Variants in SETBP1 observed in about 807,000 individuals in gnomAD.
SETBP1 encodes the protein SET binding protein 1.
SETBP1 carries 9 observed loss-of-function variants against 101.0 expected under a neutral mutation model. That is an observed-to-expected ratio of 0.09 (90% CI 0.05 to 0.16). The LOEUF (loss-of-function observed/expected upper bound fraction) is 0.16. SETBP1 is among the 10% of genes least tolerant of loss of function. SETBP1 has a pLI of 1.00. For synonymous variants in SETBP1, 818 were observed against 788.5 expected, an observed-to-expected ratio of 1.04 and a Z score of -0.63; for missense variants, 1,858 against 2,033.8, an observed-to-expected ratio of 0.91 and a Z score of 1.66.
At chr18:44,827,372 C>G (rs1000304560) in intron 2 of SETBP1, among the ~76,000 whole-genome samples, 7 of 152,262 alleles carry the variant, frequency 4.6e-5, no homozygotes, top group Middle Eastern at 3.4e-3. Context: ...TTGTGTTATT[C>G]AGTTCATTCT....
intron 3 of SETBP1, among the ~76,000 whole-genome samples, chr18:44,893,440 A>G (rs1457184104): frequency 6.6e-6 from 1 of 152,144 alleles, no homozygotes; most frequent in Non-Finnish European, 1.5e-5. Context: ...TAACTGAGAG[A>G]GGTGAGATGC....
At position 45,063,072 on chromosome 18, in the gene SETBP1, C is replaced by T. The variant is rs1247786645; in HGVS notation, c.4172-7C>T. 2.5e-6 allele frequency: 4 copies of T among 1,613,910 alleles called. No homozygotes were observed. The highest frequency in any genetic ancestry group is 3.3e-5 in the Admixed American group (2 of 60,018). On this transcript the variant is annotated splice_region_variant and splice_polypyrimidine_tract_variant and intron_variant, in intron 5 of 5. Coordinates refer to ENST00000649279, the MANE Select transcript of SETBP1 (RefSeq NM_015559.3). Reference sequence around the variant, plus strand: ...TGCTCAATTTCTTATCTCTTCCCCTCCCGCAGTCGGCTCCTCCCTGAAGAA... The same window carrying T: ...TGCTCAATTTCTTATCTCTTCCCCTTCCGCAGTCGGCTCCTCCCTGAAGAA...
At chr18:45,006,759 G>A (rs116310764) in intron 4 of SETBP1, among the ~76,000 whole-genome samples, 2,380 of 152,244 alleles carry the variant, frequency 0.016, 51 homozygotes, top group African/African-American at 0.054. Flanking sequence ...GTCACTTTCC[G>A]AGGTAATAGG....
At chr18:45,022,747 T>A (rs1320502033) in intron 4 of SETBP1, among the ~76,000 whole-genome samples, 2 of 152,128 alleles carry the variant, frequency 1.3e-5, no homozygotes, top group Non-Finnish European at 2.9e-5. Flanking sequence ...GGAGCATCAC[T>A]GGAAGCCAGG....
At chr18:44,841,176 C>T (rs1320635887) in intron 2 of SETBP1, among the ~76,000 whole-genome samples, 1 of 152,304 alleles carries the variant, frequency 6.6e-6, no homozygotes, top group East Asian at 1.9e-4. Context: ...AAGATGTTGG[C>T]CATGGCTGTA....
At chr18:44,747,378 G>A (rs1286767817) in intron 2 of SETBP1, among the ~76,000 whole-genome samples, 1 of 152,174 alleles carries the variant, frequency 6.6e-6, no homozygotes, top group Non-Finnish European at 1.5e-5. Context: ...CCCAGGAAAA[G>A]GGAACTGAAA....
intron 4 of SETBP1, among the ~76,000 whole-genome samples, chr18:44,962,391 C>T (rs1302017576): frequency 6.6e-6 from 1 of 152,098 alleles, no homozygotes; most frequent in Non-Finnish European, 1.5e-5. Context: ...GGGGATTGAA[C>T]TGCCTCCCAG....
At chr18:44,874,838 C>T (rs2069360207) in intron 3 of SETBP1, among the ~76,000 whole-genome samples, 1 of 152,150 alleles carries the variant, frequency 6.6e-6, no homozygotes, top group Non-Finnish European at 1.5e-5. Context: ...AGTTTTAATG[C>T]CAAACCCCAA....
At position 45,068,373 on chromosome 18, in the gene SETBP1, T is replaced by A. The variant is rs1484059980; in HGVS notation, c.*4675T>A. 1 of 152,180 alleles carries A rather than the reference T, an allele frequency of 6.6e-6. No homozygotes were observed. Among genetic ancestry groups the A allele is most frequent in the Non-Finnish European group, 1.5e-5 (1 of 68,030 alleles). 9.4% of individuals were successfully genotyped at this position (152,180 alleles called of 1,614,324 possible). A position where few individuals can be genotyped will look rare whatever the true frequency, so the allele number is the denominator to read the frequency against. ...TAGATGTTGGGTTTTAAACATTTTTTTCTAAAAGAAAGCTCAGTCTTTTCC... is the reference window on the plus strand; with the variant it reads ...TAGATGTTGGGTTTTAAACATTTTTATCTAAAAGAAAGCTCAGTCTTTTCC... On this transcript the variant is annotated 3_prime_UTR_variant, in exon 6 of 6. Coordinates refer to ENST00000649279, the MANE Select transcript of SETBP1 (RefSeq NM_015559.3).
At chr18:44,905,935 A>G (rs1025205936) in intron 3 of SETBP1, among the ~76,000 whole-genome samples, 2 of 152,142 alleles carry the variant, frequency 1.3e-5, no homozygotes, top group Non-Finnish European at 2.9e-5. Context: ...TTGGCTCAGG[A>G]TTTTACCTCC....
chr18:44,898,053 G>T (rs1056023560), intron 3 of SETBP1, among the ~76,000 whole-genome samples: 2 of 152,164 alleles, frequency 1.3e-5, no homozygotes, highest in African/African-American at 4.8e-5. Flanking sequence ...CTGAGGAATG[G>T]AAACCCTGAC....
chr18:44,683,854 T>G (rs567559078), intron 1 of SETBP1, among the ~76,000 whole-genome samples: 1 of 152,376 alleles, frequency 6.6e-6, no homozygotes, highest in Admixed American at 6.5e-5. Flanking sequence ...TTTTTGCTGA[T>G]GGCATTTCAA....
intron 5 of SETBP1, among the ~76,000 whole-genome samples, chr18:45,050,815 C>A (rs151273103): frequency 1.2e-3 from 186 of 152,316 alleles, no homozygotes; most frequent in African/African-American, 4.4e-3. Flanking sequence ...AGCCTCTAAG[C>A]AGGCTTCCTG....
At chr18:44,703,410 AT>A (rs1461493875) in intron 2 of SETBP1, among the ~76,000 whole-genome samples, 1 of 75,228 alleles carries the variant, frequency 1.3e-5, no homozygotes, top group African/African-American at 5.2e-5. Flanking sequence ...TGGGGCAGTT[AT>A]TTTCAATAAA....
intron 2 of SETBP1, among the ~76,000 whole-genome samples, chr18:44,704,354 C>G (rs1390845580): frequency 6.6e-6 from 1 of 152,142 alleles, no homozygotes; most frequent in African/African-American, 2.4e-5. Flanking sequence ...ATTTTTATGC[C>G]TCAGCAACTG....
chr18:44,991,717 G>A (rs764944814), intron 4 of SETBP1, among the ~76,000 whole-genome samples: 50 of 152,138 alleles, frequency 3.3e-4, no homozygotes, highest in Admixed American at 7.9e-4. Context: ...ATCTTTCTCA[G>A]TAATGGATCA....
chr18:44,746,358 A>G (rs933548348), intron 2 of SETBP1, among the ~76,000 whole-genome samples: 6 of 152,232 alleles, frequency 3.9e-5, no homozygotes, highest in Non-Finnish European at 8.8e-5. Flanking sequence ...TAAGCACTCA[A>G]TAAGTGATGG....
intron 4 of SETBP1, among the ~76,000 whole-genome samples, chr18:45,027,757 C>T (rs1348656635): frequency 6.6e-6 from 1 of 152,132 alleles, no homozygotes; most frequent in Non-Finnish European, 1.5e-5. Context: ...AACAAATTTC[C>T]ACAAACTTAG....
At chr18:44,937,798 C>T (rs866989390) in intron 3 of SETBP1, among the ~76,000 whole-genome samples, 1 of 152,300 alleles carries the variant, frequency 6.6e-6, no homozygotes, top group Middle Eastern at 3.4e-3. Context: ...CTCTTGTGCG[C>T]TCTGAATATG....
Sources: gnomAD v4.1 joint callset for allele counts (sites outside exome capture counted in the v4.1 genomes callset) on GRCh38, gnomAD v4.1.1 for gene constraint, MANE v1.5 for transcripts, NCBI Gene and HGNC (gene_info 2026-07-23, HGNC 2026-07-21) for gene names.